RBFOX1: variants seen among roughly 807,000 people sequenced by gnomAD.
The protein encoded by RBFOX1 is RNA binding fox-1 homolog 1.
Under a neutral mutation model 57.7 loss-of-function variants are expected in RBFOX1, and 8 were observed. The ratio of observed to expected loss-of-function variants is 0.14; its 90% confidence interval spans 0.08 to 0.25. The LOEUF (loss-of-function observed/expected upper bound fraction) is 0.25. RBFOX1 is among the 10% of genes least tolerant of loss of function. RBFOX1 has a pLI of 1.00. For synonymous variants in RBFOX1, 326 were observed against 222.4 expected, an observed-to-expected ratio of 1.47 and a Z score of -4.15; for missense variants, 611 against 548.5, an observed-to-expected ratio of 1.11 and a Z score of -1.14.
At chr16:5,273,027 C>G (rs1224658989) in intron 1 of RBFOX1, among the ~76,000 whole-genome samples, 1 of 152,164 alleles carries the variant, frequency 6.6e-6, no homozygotes, top group Non-Finnish European at 1.5e-5. Context: ...CAGTCCTTTG[C>G]TGGTGGCAGT....
At chr16:5,943,980 C>T (rs576673979) in intron 4 of RBFOX1, among the ~76,000 whole-genome samples, 2 of 151,516 alleles carry the variant, frequency 1.3e-5, no homozygotes, top group South Asian at 4.2e-4. Context: ...CCCACCCATC[C>T]ATCTTTCCAT....
At chr16:5,878,570 C>T (rs2057678511) in intron 4 of RBFOX1, among the ~76,000 whole-genome samples, 2 of 152,182 alleles carry the variant, frequency 1.3e-5, no homozygotes, top group Admixed American at 1.3e-4. Flanking sequence ...TCAACGCAAT[C>T]TTCTCCTGAT....
chr16:5,893,101 C>G lies in RBFOX1; in HGVS notation c.351+25766C>G, dbSNP rs149374688. Among the ~76,000 whole-genome samples, 256 of 152,268 alleles carry G rather than the reference C, an allele frequency of 1.7e-3. 1 individual carries two copies. Among genetic ancestry groups the G allele is most frequent in the African/African-American group, 4.9e-3 (205 of 41,558 alleles). ...CATGCGTCAGTATCAAATGTGTATG[C>G]AAGTTTGGCATTTTACCTCACATTA... On this transcript the variant is annotated intron_variant, in intron 4 of 19. Transcript: ENST00000641259.
At chr16:7,521,184 G>T (rs1170750127) in intron 5 of RBFOX1, among the ~76,000 whole-genome samples, 3 of 152,168 alleles carry the variant, frequency 2.0e-5, no homozygotes, top group Non-Finnish European at 4.4e-5. Context: ...CACAGTCAGA[G>T]GTCTTAAAGT....
At chr16:7,116,911 G>A (rs1318706631) in intron 4 of RBFOX1, among the ~76,000 whole-genome samples, 1 of 152,154 alleles carries the variant, frequency 6.6e-6, no homozygotes, top group Non-Finnish European at 1.5e-5. Context: ...GTGCTAGGGA[G>A]AGGAAGTTTG....
At chr16:6,715,948 G>C (rs1289866111) in intron 3 of RBFOX1, among the ~76,000 whole-genome samples, 1 of 152,142 alleles carries the variant, frequency 6.6e-6, no homozygotes, top group Non-Finnish European at 1.5e-5. Context: ...TGATGATTAA[G>C]TCAAGGATAC....
intron 4 of RBFOX1, among the ~76,000 whole-genome samples, chr16:7,505,088 A>G (rs921666200): frequency 8.6e-5 from 13 of 151,554 alleles, no homozygotes; most frequent in African/African-American, 3.2e-4. Flanking sequence ...GTGAGTCAGA[A>G]CATGTCTCAG....
chr16:5,581,456 C>T (rs1373045242), intron 2 of RBFOX1, among the ~76,000 whole-genome samples: 1 of 152,196 alleles, frequency 6.6e-6, no homozygotes, highest in Non-Finnish European at 1.5e-5. Flanking sequence ...GAATGGAGTA[C>T]ACGAGTCAGT....
intron 4 of RBFOX1, among the ~76,000 whole-genome samples, chr16:7,375,998 G>A (rs1253187483): frequency 6.6e-6 from 1 of 152,164 alleles, no homozygotes; most frequent in Non-Finnish European, 1.5e-5. Context: ...CCACAAGCCA[G>A]GGAATGGGAT....
intron 1 of RBFOX1, among the ~76,000 whole-genome samples, chr16:5,379,017 C>T (rs1567416655): frequency 6.6e-6 from 1 of 151,438 alleles, no homozygotes; most frequent in Non-Finnish European, 1.5e-5. Flanking sequence ...CACAGTTTTC[C>T]ACCAATGTAT....
rs73529881 is a variant in RBFOX1, at chr16:6,665,660, C to T, written c.-16+11010C>T. Among the ~76,000 whole-genome samples, 1,006 of 150,664 alleles carry T rather than the reference C, an allele frequency of 6.7e-3. 19 individuals carry two copies. The highest frequency in any genetic ancestry group is 0.024 in the African/African-American group (983 of 41,078). On this transcript the variant is annotated intron_variant, in intron 3 of 15. Transcript: ENST00000550418. ...AAAAAGAAGAAGGAGGGAGTGTCAC[C>T]TAATGAAACCTTGACTGATATTTTT...
At chr16:6,160,831 G>A (rs117860441) in intron 1 of RBFOX1, among the ~76,000 whole-genome samples, 1 of 152,258 alleles carries the variant, frequency 6.6e-6, no homozygotes, top group African/African-American at 2.4e-5. Flanking sequence ...GATCAGCTCT[G>A]TTGTCCCATG....
intron 3 of RBFOX1, among the ~76,000 whole-genome samples, chr16:6,838,984 CTTTT>C (rs769388217): frequency 6.6e-6 from 1 of 151,174 alleles, no homozygotes; most frequent in African/African-American, 2.4e-5. Context: ...CCATCATTTT[CTTTT>C]TTTTCTTTAT....
At chr16:7,031,031 GA>G (rs2042658233) in intron 3 of RBFOX1, among the ~76,000 whole-genome samples, 1 of 152,170 alleles carries the variant, frequency 6.6e-6, no homozygotes, top group Admixed American at 6.5e-5. Flanking sequence ...GTTGGTTTGG[GA>G]TGGGAGATGG....
intron 3 of RBFOX1, among the ~76,000 whole-genome samples, chr16:5,752,314 A>G (rs986097700): frequency 5.3e-5 from 8 of 152,192 alleles, no homozygotes; most frequent in Admixed American, 3.9e-4. Context: ...GGATCAGGAA[A>G]AACAACTAAT....
intron 4 of RBFOX1, among the ~76,000 whole-genome samples, chr16:7,086,701 G>A (rs2060030288): frequency 2.5e-5 from 1 of 40,676 alleles, no homozygotes; most frequent in African/African-American, 1.3e-4. Context: ...CGATTGCAAA[G>A]AGAGGGAGGG....
At chr16:6,909,077 A>T (rs2070859737) in intron 3 of RBFOX1, among the ~76,000 whole-genome samples, 1 of 152,212 alleles carries the variant, frequency 6.6e-6, no homozygotes, top group Admixed American at 6.5e-5. Flanking sequence ...ATTTAAAACA[A>T]CACAAATGTA....
At chr16:7,171,081 C>G (rs879373684) in intron 4 of RBFOX1, among the ~76,000 whole-genome samples, 5 of 152,182 alleles carry the variant, frequency 3.3e-5, no homozygotes, top group Non-Finnish European at 7.3e-5. Flanking sequence ...GTTGGAGGTC[C>G]AGCTCCATCC....
At chr16:7,539,935 G>C (rs1447112469) in intron 5 of RBFOX1, among the ~76,000 whole-genome samples, 2 of 152,312 alleles carry the variant, frequency 1.3e-5, no homozygotes, top group Middle Eastern at 3.4e-3. Flanking sequence ...GCATTTCCTG[G>C]GTTCAAATCC....
Sources: gnomAD v4.1 joint callset for allele counts (sites outside exome capture counted in the v4.1 genomes callset) on GRCh38, gnomAD v4.1.1 for gene constraint, MANE v1.5 for transcripts, NCBI Gene and HGNC (gene_info 2026-07-23, HGNC 2026-07-21) for gene names.